The following PDE4D variants were observed in gnomAD, a reference collection of about 807,000 sequenced individuals.
PDE4D encodes the protein phosphodiesterase 4D.
PDE4D carries 24 observed loss-of-function variants against 87.4 expected under a neutral mutation model. That is an observed-to-expected ratio of 0.27 (90% confidence interval 0.20 to 0.39). The LOEUF (loss-of-function observed/expected upper bound fraction) is 0.39. PDE4D is among the 10% of genes least tolerant of loss of function. The probability of loss-of-function intolerance (pLI) is 1.00; values close to 1 mark genes in which losing one functional copy is unlikely to be tolerated. For missense variants in PDE4D, 714 were observed against 1,041.0 expected (o/e 0.69, Z 4.32); for synonymous variants, 384 against 383.2 (o/e 1.00, Z -0.02).
intron 1 of PDE4D, among the ~76,000 whole-genome samples, chr5:60,517,544 C>A (rs1459073925): frequency 6.6e-6 from 1 of 152,214 alleles, no homozygotes; most frequent in Non-Finnish European, 1.5e-5. Flanking sequence ...GAGGTTGGAA[C>A]AACTGGCCTG....
At chr5:60,062,279 A>T (rs1291665866) in intron 2 of PDE4D, among the ~76,000 whole-genome samples, 3 of 152,226 alleles carry the variant, frequency 2.0e-5, no homozygotes, top group African/African-American at 7.2e-5. Context: ...TCAAAAGAAG[A>T]CATTCATGTG....
intron 5 of PDE4D, among the ~76,000 whole-genome samples, chr5:59,075,864 T>C (rs1561439885): frequency 6.6e-6 from 1 of 152,152 alleles, no homozygotes; most frequent in Non-Finnish European, 1.5e-5. Context: ...TAAAGACCCA[T>C]ACTATCTTTT....
chr5:60,383,287 A>G lies in PDE4D; in HGVS notation c.-90+104655T>C, dbSNP rs1260449421. 2.0e-5 allele frequency among the ~76,000 whole-genome samples: 3 copies of G among 152,238 alleles called. No individual in the cohort carries two copies. In the East Asian group the frequency reaches 5.8e-4, roughly 29 times the overall value. ...TTTTTCCAACCATAAGTATACTCAA[A>G]AAAGAAATGATAAGCCCTCTGAATA... On this transcript the variant is annotated intron_variant, in intron 1 of 16. Coordinates refer to the PDE4D transcript ENST00000502484.
chr5:59,252,527 G>GTT (rs142150968), intron 1 of PDE4D, among the ~76,000 whole-genome samples: 1 of 150,664 alleles, frequency 6.6e-6, no homozygotes, highest in African/African-American at 2.4e-5. Flanking sequence ...TATCATCTGG[G>GTT]TTTTTTTTTT....
chr5:59,745,464 G>A (rs932280389), intron 1 of PDE4D, among the ~76,000 whole-genome samples: 10 of 152,158 alleles, frequency 6.6e-5, no homozygotes, highest in African/African-American at 1.4e-4. Flanking sequence ...GTAAATCTAC[G>A]TTGGCAAGAG....
chr5:59,808,103 G>T (rs1767945297), intron 1 of PDE4D, among the ~76,000 whole-genome samples: 1 of 152,156 alleles, frequency 6.6e-6, no homozygotes, highest in African/African-American at 2.4e-5. Flanking sequence ...GCAGAAAAAT[G>T]ACAGATTTCA....
intron 2 of PDE4D, among the ~76,000 whole-genome samples, chr5:60,076,348 T>TG (rs1773295338): frequency 6.6e-6 from 1 of 152,040 alleles, no homozygotes; most frequent in Non-Finnish European, 1.5e-5. Context: ...TTAGTAGAGA[T>TG]GGGGTTTCAC....
chr5:60,014,925 C>T (rs1420984427), intron 2 of PDE4D, among the ~76,000 whole-genome samples: 1 of 152,142 alleles, frequency 6.6e-6, no homozygotes, highest in Non-Finnish European at 1.5e-5. Context: ...AATCCACATC[C>T]AGAGAACAGG....
chr5:59,186,013 G>A (rs1458566431), intron 3 of PDE4D, among the ~76,000 whole-genome samples: 1 of 152,070 alleles, frequency 6.6e-6, no homozygotes, highest in Admixed American at 6.6e-5. Flanking sequence ...AGTAGCCAAC[G>A]GACTGGAAGT....
chr5:59,066,999 T>G (rs1176513830), intron 5 of PDE4D, among the ~76,000 whole-genome samples: 12 of 133,778 alleles, frequency 9.0e-5, no homozygotes, highest in African/African-American at 2.4e-4. Context: ...TTTATTTATT[T>G]ATTTATTTAT....
intron 1 of PDE4D, among the ~76,000 whole-genome samples, chr5:59,668,903 GAAGAAGAAGAAGAAGAAGA>G (rs1397046405): frequency 0.013 from 1,025 of 76,014 alleles, 83 homozygotes; most frequent in East Asian, 0.09. Flanking sequence ...AGAAGAAGAA[GAAGAAGAAGAAGAAGAAGA>G]AAGAAAGAAA....
At chr5:59,387,735 A>G (rs1787381679) in intron 1 of PDE4D, among the ~76,000 whole-genome samples, 1 of 152,172 alleles carries the variant, frequency 6.6e-6, no homozygotes, top group Admixed American at 6.5e-5. Context: ...TACATTGTGA[A>G]GTGGCTAAAT....
rs188132007 is a variant in PDE4D, at chr5:59,414,297, T to C, written c.456-198329A>G. Reference sequence around the variant, plus strand: ...CGGAAAACAGAAGAAACAGATCCACTTGGACCCCAAGCCTGGCCTCCTTCC... The same window carrying C: ...CGGAAAACAGAAGAAACAGATCCACCTGGACCCCAAGCCTGGCCTCCTTCC... On this transcript the variant is annotated intron_variant, in intron 1 of 14. Coordinates refer to ENST00000340635, the MANE Select transcript of PDE4D (RefSeq NM_001104631.2). Among the ~76,000 whole-genome samples the C allele has an allele frequency of 6.6e-5, 10 of 152,320 alleles. No homozygotes were observed. The East Asian group carries it at 1.7e-3, about 26-fold the overall frequency.
intron 5 of PDE4D, among the ~76,000 whole-genome samples, chr5:59,106,620 C>T (rs929638783): frequency 1.3e-5 from 2 of 152,064 alleles, no homozygotes; most frequent in African/African-American, 2.4e-5. Flanking sequence ...ATCAGCCGGG[C>T]GTGGTGGCGC....
chr5:59,645,422 T>C (rs1342918167), intron 1 of PDE4D, among the ~76,000 whole-genome samples: 16 of 152,242 alleles, frequency 1.1e-4, no homozygotes, highest in Non-Finnish European at 5.9e-5. Context: ...TATATCACAC[T>C]TTTCCCTTGG....
At chr5:59,853,571 A>C (rs1489731289) in intron 1 of PDE4D, among the ~76,000 whole-genome samples, 1 of 152,086 alleles carries the variant, frequency 6.6e-6, no homozygotes, top group Non-Finnish European at 1.5e-5. Context: ...AACTAGCATT[A>C]ATAAAATAAT....
rs1246604286 is a variant in PDE4D at position 59,820,597 on chromosome 5, AG to A, written c.455+72570del. On this transcript the variant is annotated intron_variant, in intron 1 of 14. Coordinates refer to ENST00000340635, the MANE Select transcript of PDE4D (RefSeq NM_001104631.2). Reference sequence around the variant, plus strand: ...TTTCTTGAAGAGCAGTCGTGGGACTAGCTAACAACCTGGGGTATCAGTGGAA... The same window carrying A: ...TTTCTTGAAGAGCAGTCGTGGGACTACTAACAACCTGGGGTATCAGTGGAA... Among the ~76,000 whole-genome samples, 4 of 152,236 alleles carry A rather than the reference AG, an allele frequency of 2.6e-5. No individual in the cohort carries two copies. In the East Asian group the frequency reaches 7.7e-4, roughly 29 times the overall value.
At chr5:59,461,263 T>C (rs1166165002) in intron 1 of PDE4D, among the ~76,000 whole-genome samples, 1 of 152,066 alleles carries the variant, frequency 6.6e-6, no homozygotes, top group Non-Finnish European at 1.5e-5. Context: ...GTATCAAAAA[T>C]CTAAATATGT....
intron 2 of PDE4D, among the ~76,000 whole-genome samples, chr5:60,092,685 C>T (rs562239327): frequency 6.6e-6 from 1 of 152,034 alleles, no homozygotes; most frequent in Admixed American, 6.5e-5. Context: ...AGAGATCTCA[C>T]TCTTTCTGAC....
Sources: allele counts gnomAD v4.1 joint callset (sites outside exome capture counted in the v4.1 genomes callset), GRCh38; gene constraint gnomAD v4.1.1; transcripts MANE v1.5; gene names NCBI Gene and HGNC (gene_info 2026-07-23, HGNC 2026-07-21).